Variants in GNB1L observed in about 807,000 individuals in gnomAD.
The protein encoded by GNB1L is G protein subunit beta 1 like.
In GNB1L, 20 loss-of-function variants were observed where a neutral mutation model predicts 29.1. The ratio of observed to expected loss-of-function variants is 0.69; its 90% confidence interval spans 0.48 to 1.00. The LOEUF (loss-of-function observed/expected upper bound fraction) is 1.00, where lower values mean the gene tolerates loss of function less well. Ranked by LOEUF, GNB1L falls within the 50% of genes least tolerant of loss-of-function variation. GNB1L has a pLI of 0.00. For missense variants in GNB1L, 421 were observed against 464.9 expected (o/e 0.91, Z 0.87); for synonymous variants, 193 against 206.5 (o/e 0.93, Z 0.56).
intron 2 of GNB1L, among the ~76,000 whole-genome samples, chr22:19,833,352 C>T (rs1028892575): frequency 1.3e-5 from 2 of 152,154 alleles, no homozygotes; most frequent in Non-Finnish European, 2.9e-5. Flanking sequence ...CAAACAAATA[C>T]GAATTTCAGA....
At chr22:19,849,982 T>C in intron 2 of GNB1L, 2 of 985,502 alleles carry the variant, frequency 2.0e-6, no homozygotes, top group Non-Finnish European at 2.4e-6. Flanking sequence ...CCTCTGGGCC[T>C]GGGGCCTCAC....
intron 7 of GNB1L, among the ~76,000 whole-genome samples, chr22:19,794,929 C>T (rs1396918723): frequency 3.3e-5 from 5 of 151,994 alleles, no homozygotes; most frequent in Non-Finnish European, 7.4e-5. Context: ...TGCAGTGAGC[C>T]GAGATCACGC....
chr22:19,849,418 G>A (rs1938043266), intron 2 of GNB1L: 2 of 533,542 alleles, frequency 3.7e-6, no homozygotes, highest in East Asian at 1.5e-4. Flanking sequence ...GTCCAGGCTG[G>A]AGTGCAATGG....
At position 19,788,674 on chromosome 22, in the gene GNB1L, C is replaced by A; in HGVS notation, c.*35G>T. ...GGGGCCTGATGCCCACCTCCCTGCC[C>A]GCCCTCCTCGTCTCCCGGGAAGGGA... On this transcript the variant is annotated 3_prime_UTR_variant, in exon 8 of 8. Coordinates refer to ENST00000329517, the MANE Select transcript of GNB1L (RefSeq NM_053004.3). 1 of 1,612,316 alleles carries A rather than the reference C, an allele frequency of 6.2e-7. No individual in the cohort carries two copies. Among genetic ancestry groups the A allele is most frequent in the South Asian group, 1.1e-5 (1 of 91,026 alleles).
Position 19,847,297 on chromosome 22 carries a change from G to A in GNB1L, c.-21+7146C>T, listed in dbSNP as rs1937983220. ...TGCGCTGTTGGAGATCTTTGTTACT[G>A]CAGCACAATCTGGCTCATGCTGACT... On this transcript the variant is annotated intron_variant, in intron 2 of 7. Transcript: ENST00000329517. 2 of 984,518 alleles carry A rather than the reference G, an allele frequency of 2.0e-6. 1 individual carries two copies. Among genetic ancestry groups the A allele is most frequent in the Admixed American group, 1.2e-4 (2 of 16,274 alleles). 61.0% of individuals were successfully genotyped at this position (984,518 alleles called of 1,614,324 possible). A position where few individuals can be genotyped will look rare whatever the true frequency, so the allele number is the denominator to read the frequency against.
At chr22:19,817,881 A>G (rs1937543898) in intron 4 of GNB1L, among the ~76,000 whole-genome samples, 1 of 152,172 alleles carries the variant, frequency 6.6e-6, no homozygotes, top group East Asian at 1.9e-4. Context: ...ATTATACTTC[A>G]CAAGAAAAAA....
At chr22:19,849,367 T>C in intron 2 of GNB1L, 1 of 921,392 alleles carries the variant, frequency 1.1e-6, no homozygotes, top group Non-Finnish European at 1.3e-6. Context: ...TTTTTGTTTT[T>C]TGTTGTTTTT....
intron 7 of GNB1L, among the ~76,000 whole-genome samples, chr22:19,799,092 G>A (rs1937339205): frequency 6.6e-6 from 1 of 152,256 alleles, no homozygotes; most frequent in Non-Finnish European, 1.5e-5. Context: ...GCAGATGGGA[G>A]CGCAGCTGGG....
intron 5 of GNB1L, among the ~76,000 whole-genome samples, chr22:19,809,196 G>T (rs992188090): frequency 6.6e-6 from 1 of 151,708 alleles, no homozygotes; most frequent in East Asian, 1.9e-4. Context: ...ACAAGTGGCT[G>T]GACGTTGAGA....
intron 2 of GNB1L, among the ~76,000 whole-genome samples, chr22:19,839,378 T>A (rs539408605): frequency 6.6e-6 from 1 of 152,118 alleles, no homozygotes; most frequent in East Asian, 1.9e-4. Context: ...CCTAAAACCA[T>A]GAATAGTTCT....
chr22:19,836,395 GAA>G (rs55792949), intron 2 of GNB1L, among the ~76,000 whole-genome samples: 10 of 150,908 alleles, frequency 6.6e-5, no homozygotes, highest in African/African-American at 1.7e-4. Flanking sequence ...AATCCTTGGG[GAA>G]AAAAAAAAAT....
chr22:19,804,521 G>A (rs114223937), intron 6 of GNB1L, among the ~76,000 whole-genome samples: 3,841 of 151,948 alleles, frequency 0.025, 124 homozygotes, highest in African/African-American at 0.08. Flanking sequence ...CTGCTTAGAG[G>A]AGCAAAATAA....
intron 6 of GNB1L, among the ~76,000 whole-genome samples, chr22:19,804,831 TC>T (rs1937414348): frequency 6.6e-6 from 1 of 152,250 alleles, no homozygotes; most frequent in African/African-American, 2.4e-5. Flanking sequence ...TACATCCCTT[TC>T]TACGCATTTT....
intron 2 of GNB1L, chr22:19,851,527 C>T (rs781133599): frequency 1.9e-6 from 3 of 1,614,048 alleles, no homozygotes; most frequent in Non-Finnish European, 2.5e-6. Flanking sequence ...CAGAGTTGGA[C>T]CCAGACACAG....
chr22:19,815,225 C>T (rs1251558990), intron 4 of GNB1L, among the ~76,000 whole-genome samples: 2 of 152,142 alleles, frequency 1.3e-5, no homozygotes, highest in African/African-American at 2.4e-5. Flanking sequence ...GAGGGCCGTG[C>T]GGTGTGCGGT....
At chr22:19,807,856 G>C (rs1261500983) in intron 5 of GNB1L, among the ~76,000 whole-genome samples, 2 of 152,216 alleles carry the variant, frequency 1.3e-5, no homozygotes, top group Non-Finnish European at 2.9e-5. Context: ...ATAGGCCCGG[G>C]ACCCCAAGTC....
Position 19,854,830 on chromosome 22 carries a change from G to A in GNB1L, c.-128C>T, listed in dbSNP as rs1332876993. The stretch of plus-strand genomic sequence containing the variant: ...CGCCTCCACACTGACCCTCTTGCCG[G>A]AGTCGGGAACGCCTGCTCCTAGGAG... On this transcript the variant is annotated 5_prime_UTR_variant, in exon 1 of 8. Transcript: ENST00000329517. 3 of 152,300 alleles carry A rather than the reference G, an allele frequency of 2.0e-5. No individual in the cohort carries two copies. The highest frequency in any genetic ancestry group is 2.0e-4 in the Admixed American group (3 of 15,286). 9.4% of individuals were successfully genotyped at this position (152,300 alleles called of 1,614,324 possible).
At position 19,816,621 on chromosome 22, in the gene GNB1L, A is replaced by C. The variant is rs1937525858; in HGVS notation, c.254+3977T>G. Reference sequence around the variant, plus strand: ...GCATGCACACAACACACAATCACACACACCACACACCTCATACACACCTCA... The same window carrying C: ...GCATGCACACAACACACAATCACACCCACCACACACCTCATACACACCTCA... On this transcript the variant is annotated intron_variant, in intron 4 of 7. Transcript: ENST00000329517. The surrounding 1 kb of genome is among the most constrained non-coding windows in gnomAD (Gnocchi z 4.4). Among the ~76,000 whole-genome samples, 1 of 151,982 alleles carries C rather than the reference A, an allele frequency of 6.6e-6. No individual in the cohort carries two copies. The highest frequency in any genetic ancestry group is 1.5e-5 in the Non-Finnish European group (1 of 67,982).
At chr22:19,791,225 C>T (rs569389861) in intron 7 of GNB1L, among the ~76,000 whole-genome samples, 9 of 152,292 alleles carry the variant, frequency 5.9e-5, no homozygotes, top group African/African-American at 2.2e-4. Context: ...AGAGCAAGAC[C>T]TTGTGCTCCC....
Sources: allele counts gnomAD v4.1 joint callset (sites outside exome capture counted in the v4.1 genomes callset), GRCh38; gene constraint gnomAD v4.1.1; non-coding constraint Gnocchi (gnomAD v3.1); transcripts MANE v1.5; gene names NCBI Gene and HGNC (gene_info 2026-07-23, HGNC 2026-07-21).